Variants in TTC29 observed in about 807,000 individuals in gnomAD.
TTC29 encodes tetratricopeptide repeat protein 29.
Under a neutral mutation model 58.1 loss-of-function variants are expected in TTC29, and 49 were observed. That is an observed-to-expected ratio of 0.84 (90% CI 0.67 to 1.07). The LOEUF is 1.07. TTC29 is among the 50% of genes least tolerant of loss of function. The pLI, the probability that TTC29 is intolerant of heterozygous loss-of-function variation, is 0.00. For missense variants in TTC29, 582 were observed against 555.6 expected, an observed-to-expected ratio of 1.05 and a Z score of -0.48; for synonymous variants, 209 against 196.8, an observed-to-expected ratio of 1.06 and a Z score of -0.52.
At chr4:146,798,691 T>G (rs752559293) in intron 11 of TTC29, among the ~76,000 whole-genome samples, 2 of 151,502 alleles carry the variant, frequency 1.3e-5, no homozygotes, top group Admixed American at 6.6e-5. Flanking sequence ...ATTGAGACCA[T>G]CCTGGGTAAC....
At chr4:146,783,362 A>AACTT (rs1346109398) in intron 11 of TTC29, among the ~76,000 whole-genome samples, 4 of 151,646 alleles carry the variant, frequency 2.6e-5, no homozygotes, top group Non-Finnish European at 4.4e-5. Flanking sequence ...TATGAATGAA[A>AACTT]ACTTAGCCTC....
Position 146,887,681 on chromosome 4 carries a change from C to T in TTC29, c.587-12753G>A, listed in dbSNP as rs1646974570. Among the ~76,000 whole-genome samples, 6 of 152,132 alleles carry T rather than the reference C, an allele frequency of 3.9e-5. No homozygotes were observed. In the South Asian group the frequency reaches 1.2e-3, roughly 32 times the overall value. ...AAGAATTGAACATAAATTCTCAACC[C>T]AGTTTTAAACAATTGAGGACTATTT... is the stretch of plus-strand genomic sequence containing the variant. On this transcript the variant is annotated intron_variant, in intron 6 of 12. Transcript: ENST00000325106.
At chr4:146,810,474 T>C (rs1750940296) in intron 10 of TTC29, among the ~76,000 whole-genome samples, 1 of 152,124 alleles carries the variant, frequency 6.6e-6, no homozygotes, top group Non-Finnish European at 1.5e-5. Context: ...TTCAACCTAA[T>C]ACATGGTAGT....
chr4:146,925,839 A>G (rs1734896212), intron 4 of TTC29, among the ~76,000 whole-genome samples: 1 of 152,184 alleles, frequency 6.6e-6, no homozygotes, highest in Admixed American at 6.5e-5. Flanking sequence ...GAAATACTGG[A>G]AAAGTCTGAA....
chr4:146,903,641 A>C lies in TTC29; in HGVS notation c.489T>G (p.Tyr163Ter). Residue 163 changes from tyrosine to a stop codon, truncating the protein, a stop_gained, in exon 6 of 13, where the codon TAT becomes TAG. Transcript: ENST00000325106. LOFTEE classifies it high-confidence loss of function. ...GCTGAGCAATCTTAAAACATCGTTCATAGAAGTGGTTCCTTACCCACTTGT... is the reference window on the plus strand; with the variant it reads ...GCTGAGCAATCTTAAAACATCGTTCCTAGAAGTGGTTCCTTACCCACTTGT... ...SEDKWVRNHF[Y>*]ERCFKIAQLI... 4 of 1,613,168 alleles carry C rather than the reference A, an allele frequency of 2.5e-6. No homozygotes were observed. Among genetic ancestry groups the C allele is most frequent in the Non-Finnish European group, 3.4e-6 (4 of 1,179,514 alleles).
Position 146,754,436 on chromosome 4 carries a change from C to A in TTC29, c.1331-46885G>T, listed in dbSNP as rs534734608. 9.2e-5 allele frequency among the ~76,000 whole-genome samples: 14 copies of A among 151,886 alleles called. No homozygotes were observed. In the South Asian group the frequency reaches 2.1e-3, roughly 23 times the overall value. On this transcript the variant is annotated intron_variant, in intron 11 of 12. Coordinates refer to ENST00000325106, the MANE Select transcript of TTC29 (RefSeq NM_031956.4). ...AACATATTTTAAGAAGATAGCATTC[C>A]TTTAATACCTAAGCCAAAGAAGAGC...
In TTC29 at chr4:146,942,565, G is replaced by A. The variant is rs529335825; in HGVS notation, c.-7+2466C>T. On this transcript the variant is annotated intron_variant, in intron 2 of 12. Transcript: ENST00000325106. ...GAAGGGACACCAAAGCTCCCCAAAC[G>A]GGCCTCCCAAGAGCTTACTTCAGAG... is the stretch of plus-strand genomic sequence containing the variant. 115 of 1,516,670 alleles carry A rather than the reference G, an allele frequency of 7.6e-5. No homozygotes were observed. The Admixed American group carries it at 1.0e-3, about 14-fold the overall frequency. The allele number at this position is 1,516,670 out of a possible 1,614,324, so 94.0% of individuals were successfully genotyped here.
intron 10 of TTC29, among the ~76,000 whole-genome samples, chr4:146,807,931 A>T (rs1220559462): frequency 1.3e-5 from 2 of 152,146 alleles, no homozygotes; most frequent in East Asian, 3.9e-4. Flanking sequence ...GTAGAGACAC[A>T]ACAAAAAAAG....
At chr4:146,723,574 T>TGAACA (rs1743543336) in intron 11 of TTC29, among the ~76,000 whole-genome samples, 1 of 152,104 alleles carries the variant, frequency 6.6e-6, no homozygotes, top group Admixed American at 6.5e-5. Flanking sequence ...GCAAATGACA[T>TGAACA]GAACAGACAC....
rs903278424 is a variant in TTC29, at chr4:146,829,754, G to A, written c.977+4052C>T. Among the ~76,000 whole-genome samples, 4 of 152,156 alleles carry A rather than the reference G, an allele frequency of 2.6e-5. No individual in the cohort carries two copies. In the East Asian group the frequency reaches 7.7e-4, roughly 29 times the overall value. On this transcript the variant is annotated intron_variant, in intron 9 of 12. Transcript: ENST00000325106. ...GATTTAAAGATCTCCATTGTGGAAA[G>A]TTTTCTAGGAAATAATTTAACTTGA...
At chr4:146,919,179 G>C (rs17022121) in intron 4 of TTC29, among the ~76,000 whole-genome samples, 1,638 of 151,058 alleles carry the variant, frequency 0.011, 35 homozygotes, top group African/African-American at 0.037. Context: ...ATTTTTCAGG[G>C]ACAGTATTTT....
chr4:146,801,835 G>A (rs1441676907), intron 11 of TTC29, among the ~76,000 whole-genome samples: 4 of 151,354 alleles, frequency 2.6e-5, no homozygotes, highest in East Asian at 2.0e-4. Context: ...AAAATTAGCC[G>A]GGCGTCATGG....
At chr4:146,758,305 T>C (rs575554256) in intron 11 of TTC29, among the ~76,000 whole-genome samples, 6 of 152,028 alleles carry the variant, frequency 3.9e-5, no homozygotes, top group Non-Finnish European at 8.8e-5. Flanking sequence ...TCTAAACATA[T>C]ATGCACCTAA....
At chr4:146,803,374 T>C in intron 11 of TTC29, 83 bp downstream of exon 11, 1 of 1,005,100 alleles carries the variant, frequency 9.9e-7, no homozygotes. Context: ...ATCACCGACA[T>C]TTGAGTGAAA....
intron 10 of TTC29, among the ~76,000 whole-genome samples, chr4:146,818,635 G>A (rs1015057374): frequency 5.3e-5 from 8 of 152,110 alleles, no homozygotes; most frequent in African/African-American, 1.2e-4. Context: ...ACATGCACTC[G>A]TATGTTTATT....
At chr4:146,792,341 C>T (rs1390624864) in intron 11 of TTC29, among the ~76,000 whole-genome samples, 2 of 152,226 alleles carry the variant, frequency 1.3e-5, no homozygotes, top group Non-Finnish European at 2.9e-5. Context: ...AAATCTACCA[C>T]ACCTGTGCTC....
chr4:146,819,152 T>TA (rs1012384233), intron 10 of TTC29, among the ~76,000 whole-genome samples: 1 of 150,110 alleles, frequency 6.7e-6, no homozygotes, highest in Non-Finnish European at 1.5e-5. Context: ...AATAAAAAAA[T>TA]AAAAAAAAGA....
chr4:146,759,847 T>C (rs989767115), intron 11 of TTC29, among the ~76,000 whole-genome samples: 2 of 151,952 alleles, frequency 1.3e-5, no homozygotes, highest in Non-Finnish European at 2.9e-5. Flanking sequence ...TGAGGAAAAG[T>C]TGAAAACATT....
chr4:146,890,389 G>A (rs1461670172), intron 6 of TTC29, among the ~76,000 whole-genome samples: 1 of 152,180 alleles, frequency 6.6e-6, no homozygotes, highest in African/African-American at 2.4e-5. Context: ...AGAGCTTCCA[G>A]CCCTCACATG....
Sources: allele counts gnomAD v4.1 joint callset (sites outside exome capture counted in the v4.1 genomes callset), GRCh38; gene constraint gnomAD v4.1.1; transcripts MANE v1.5; gene names NCBI Gene and HGNC (gene_info 2026-07-23, HGNC 2026-07-21).